Variants in AK9 observed in about 807,000 individuals in gnomAD.
The protein encoded by AK9 is adenylate kinase domain containing 1.
AK9 carries 191 observed loss-of-function variants against 239.6 expected under a neutral mutation model. That is an observed-to-expected ratio of 0.80 (90% CI 0.71 to 0.90). The LOEUF is 0.90. Ranked by LOEUF, AK9 falls within the 40% of genes least tolerant of loss-of-function variation. The probability of loss-of-function intolerance (pLI) is 0.00; values close to 1 mark genes in which losing one functional copy is unlikely to be tolerated. For synonymous variants in AK9, 689 were observed against 721.0 expected (o/e 0.96, Z 0.71); for missense variants, 1,995 against 2,214.7 (o/e 0.90, Z 1.99).
At chr6:109,549,997 G>A in intron 25 of AK9, 93 bp downstream of exon 25, 3 of 1,313,148 alleles carry the variant, frequency 2.3e-6, no homozygotes, top group Non-Finnish European at 3.2e-6. Flanking sequence ...TATCAGATTG[G>A]GGATTTCACC....
chr6:109,498,318 T>G (rs1048662221), intron 36 of AK9, among the ~76,000 whole-genome samples: 12 of 152,226 alleles, frequency 7.9e-5, no homozygotes, highest in Admixed American at 7.9e-4. Context: ...AGTTAACTTC[T>G]CCAGCTTCAG....
chr6:109,678,846 T>C (rs1040301505), intron 1 of AK9, among the ~76,000 whole-genome samples: 10 of 151,782 alleles, frequency 6.6e-5, no homozygotes, highest in Non-Finnish European at 1.5e-4. Context: ...ACCCAGGGAG[T>C]GCAAGGGGTC....
chr6:109,599,929 A>G (rs7454678), intron 17 of AK9, among the ~76,000 whole-genome samples: 88,585 of 152,024 alleles, frequency 0.58, 27,491 homozygotes, highest in East Asian at 0.84. Context: ...TTGATTTTGT[A>G]TACTGGAGAC....
chr6:109,662,232 G>A (rs1038561780), intron 6 of AK9, among the ~76,000 whole-genome samples: 1 of 152,218 alleles, frequency 6.6e-6, no homozygotes, highest in Non-Finnish European at 1.5e-5. Context: ...CTTATGATAA[G>A]TAAGGTGTGG....
At chr6:109,571,923 T>C (rs1192168610) in intron 21 of AK9, among the ~76,000 whole-genome samples, 1 of 152,202 alleles carries the variant, frequency 6.6e-6, no homozygotes, top group Non-Finnish European at 1.5e-5. Flanking sequence ...TGTTAGTATG[T>C]ATAAGAATCA....
chr6:109,563,676 T>G lies in AK9; in HGVS notation c.2672A>C (p.Glu891Ala). Residue 891 changes from glutamate (E) to alanine (A), a missense_variant, in exon 24 of 41, where the codon GAA becomes GCA. Transcript: ENST00000424296. ...GTCTTCTGTTTCTTCCTCATAATCT[T>G]CCCCAGTTAACTCCCATGCAGTATA... ...FQYTAWELTG[E>A]DYEEETEDYQ... 1.3e-6 allele frequency: 2 copies of G among 1,550,866 alleles called. No individual in the cohort carries two copies. The highest frequency in any genetic ancestry group is 2.4e-5 in the South Asian group (2 of 84,034).
chr6:109,506,610 A>G, intron 34 of AK9, 44 bp downstream of exon 34: 1 of 1,531,964 alleles, frequency 6.5e-7, no homozygotes, highest in Non-Finnish European at 8.8e-7. Flanking sequence ...CCCCCGTATG[A>G]TTAAAGTTTA....
rs1208991035 is a variant in AK9 at position 109,499,084 on chromosome 6, C to G, written c.5006G>C (p.Arg1669Thr). 4 of 1,598,896 alleles carry G rather than the reference C, an allele frequency of 2.5e-6. No homozygotes were observed. Among genetic ancestry groups the G allele is most frequent in the Non-Finnish European group, 3.4e-6 (4 of 1,173,150 alleles). Residue 1669 changes from arginine (R) to threonine (T), a missense_variant, in exon 36 of 41, where the codon AGG (arginine) becomes ACG (threonine). By Grantham distance (71) the Arg-to-Thr change is moderately conservative. Coordinates refer to ENST00000424296, the MANE Select transcript of AK9 (RefSeq NM_001145128.3). ...AGAACTCATTTTATAGTAGTGCCCCCTGAACTCTGCTGCAAATTCCAAGGA... is the reference window on the plus strand; with the variant it reads ...AGAACTCATTTTATAGTAGTGCCCCGTGAACTCTGCTGCAAATTCCAAGGA... The part of the protein sequence containing the change: ...TDSLEFAAEF[R>T]GHYYKMSSQE...
At chr6:109,607,323 G>C (rs1793008308) in intron 17 of AK9, among the ~76,000 whole-genome samples, 1 of 151,966 alleles carries the variant, frequency 6.6e-6, no homozygotes, top group Non-Finnish European at 1.5e-5. Flanking sequence ...GTATCCATGG[G>C]CTCTGCATCT....
chr6:109,629,796 C>T (rs1296680527), intron 12 of AK9, among the ~76,000 whole-genome samples: 1 of 151,956 alleles, frequency 6.6e-6, no homozygotes, highest in Admixed American at 6.6e-5. Context: ...CCGTGCCCGG[C>T]TAATTTTTTT....
At chr6:109,579,276 G>A in intron 20 of AK9, 1 of 309,918 alleles carries the variant, frequency 3.2e-6, no homozygotes, top group Non-Finnish European at 5.9e-6. Flanking sequence ...ATTCTGCTGT[G>A]TATCACTTGC....
At chr6:109,563,929 GCA>G in intron 23 of AK9, 149 bp downstream of exon 23, 1 of 1,012,450 alleles carries the variant, frequency 9.9e-7, no homozygotes, top group African/African-American at 1.6e-5. Flanking sequence ...GTCAGGACCT[GCA>G]CAGTGATAGT....
chr6:109,508,446 C>T (rs529823803), intron 33 of AK9, among the ~76,000 whole-genome samples: 4 of 152,190 alleles, frequency 2.6e-5, no homozygotes, highest in African/African-American at 7.2e-5. Flanking sequence ...GGGTAAGTCC[C>T]GGGCCTTTTC....
chr6:109,499,848 C>T (rs1258021522), intron 35 of AK9, among the ~76,000 whole-genome samples: 1 of 152,202 alleles, frequency 6.6e-6, no homozygotes, highest in African/African-American at 2.4e-5. Context: ...GATCCACCCA[C>T]CTCGGCCTCC....
chr6:109,655,099 G>A (rs139855644), intron 8 of AK9, among the ~76,000 whole-genome samples: 1 of 152,276 alleles, frequency 6.6e-6, no homozygotes, highest in East Asian at 1.9e-4. Context: ...TTTTGCTGCA[G>A]GGCCTAGAAG....
chr6:109,625,135 C>T (rs79461113), intron 12 of AK9, among the ~76,000 whole-genome samples: 4 of 151,994 alleles, frequency 2.6e-5, no homozygotes, highest in Non-Finnish European at 5.9e-5. Context: ...GCTTCATTTG[C>T]GTGAGTATTG....
chr6:109,543,308 A>C (rs1783120664), intron 26 of AK9, among the ~76,000 whole-genome samples: 3 of 152,206 alleles, frequency 2.0e-5, no homozygotes, highest in Admixed American at 6.5e-5. Context: ...TTATTACCTA[A>C]AAATAAAATC....
intron 13 of AK9, among the ~76,000 whole-genome samples, chr6:109,617,993 A>G (rs1794378924): frequency 6.6e-6 from 1 of 152,204 alleles, no homozygotes; most frequent in Non-Finnish European, 1.5e-5. Context: ...ATTAAATAGG[A>G]TAATACATGC....
chr6:109,656,730 T>C (rs777657720), intron 8 of AK9, 26 bp downstream of exon 8: 10 of 1,549,228 alleles, frequency 6.5e-6, no homozygotes, highest in Non-Finnish European at 8.0e-6. Flanking sequence ...TCAATATTCA[T>C]TTTCAGCAAT....
Sources: gnomAD v4.1 joint callset for allele counts (sites outside exome capture counted in the v4.1 genomes callset) on GRCh38, gnomAD v4.1.1 for gene constraint, MANE v1.5 for transcripts, NCBI Gene and HGNC (gene_info 2026-07-23, HGNC 2026-07-21) for gene names.